MBNL1: variants seen among roughly 807,000 people sequenced by gnomAD.
The protein encoded by MBNL1 is muscleblind-like protein 1.
In MBNL1, 8 loss-of-function variants were observed where a neutral mutation model predicts 42.2. The observed-to-expected ratio is 0.19, with a 90% CI of 0.11 to 0.34. MBNL1 has a LOEUF of 0.34. Ranked by LOEUF, MBNL1 falls within the 10% of genes least tolerant of loss-of-function variation. MBNL1 has a pLI of 1.00. For synonymous variants in MBNL1, 169 were observed against 173.9 expected, an observed-to-expected ratio of 0.97 and a Z score of 0.22; for missense variants, 309 against 495.3, an observed-to-expected ratio of 0.62 and a Z score of 3.57.
chr3:152,310,784 G>C (rs2065904930), intron 2 of MBNL1, among the ~76,000 whole-genome samples: 1 of 151,978 alleles, frequency 6.6e-6, no homozygotes, highest in Admixed American at 6.6e-5. Flanking sequence ...CCGCAGACAG[G>C]ATGAACAGTA....
intron 2 of MBNL1, among the ~76,000 whole-genome samples, chr3:152,312,950 A>G (rs567764379): frequency 2.0e-5 from 3 of 152,322 alleles, no homozygotes; most frequent in Non-Finnish European, 4.4e-5. Context: ...TCCCAGTGTC[A>G]CGTTTAGAAT....
intron 1 of MBNL1, among the ~76,000 whole-genome samples, chr3:152,274,974 TCTTAA>T (rs2044101856): frequency 6.6e-6 from 1 of 152,220 alleles, no homozygotes; most frequent in African/African-American, 2.4e-5. Context: ...AAAGATATTT[TCTTAA>T]CTTGTCTCAG....
intron 2 of MBNL1, among the ~76,000 whole-genome samples, chr3:152,401,260 A>G (rs2098204809): frequency 6.6e-6 from 1 of 152,206 alleles, no homozygotes; most frequent in Non-Finnish European, 1.5e-5. Context: ...GAAATTATCT[A>G]TAATATAGCT....
chr3:152,366,040 C>T (rs888865284), intron 2 of MBNL1, among the ~76,000 whole-genome samples: 2 of 152,140 alleles, frequency 1.3e-5, no homozygotes, highest in Non-Finnish European at 2.9e-5. Context: ...TTCATTTCTT[C>T]ATCTCCAGAA....
At chr3:152,247,577 A>G in intron 2 of MBNL1, among the ~76,000 whole-genome samples, 1 of 151,930 alleles carries the variant, frequency 6.6e-6, no homozygotes, top group East Asian at 1.9e-4. Flanking sequence ...AAATAAAACC[A>G]CTGTTCATTA....
chr3:152,445,883 C>T (rs1057133110), intron 5 of MBNL1, among the ~76,000 whole-genome samples: 1 of 152,184 alleles, frequency 6.6e-6, no homozygotes, highest in African/African-American at 2.4e-5. Context: ...TCTAATCAGC[C>T]ATTGTTTTCC....
At chr3:152,410,054 G>T (rs926994170) in intron 2 of MBNL1, among the ~76,000 whole-genome samples, 1 of 151,478 alleles carries the variant, frequency 6.6e-6, no homozygotes, top group Non-Finnish European at 1.5e-5. Context: ...ATTTTGATTG[G>T]CTATTAATTA....
intron 2 of MBNL1, among the ~76,000 whole-genome samples, chr3:152,409,047 A>G (rs188625764): frequency 3.9e-5 from 6 of 152,348 alleles, no homozygotes; most frequent in African/African-American, 1.4e-4. Context: ...TTTAAGAGCA[A>G]CAATATACTT....
intron 2 of MBNL1, among the ~76,000 whole-genome samples, chr3:152,372,840 G>A (rs903585791): frequency 1.8e-4 from 27 of 152,150 alleles, no homozygotes; most frequent in African/African-American, 5.1e-4. Context: ...TGGGAGATTC[G>A]CTGCTCTCTT....
At chr3:152,324,990 A>G (rs2078649329) in intron 2 of MBNL1, among the ~76,000 whole-genome samples, 2 of 148,260 alleles carry the variant, frequency 1.3e-5, no homozygotes, top group South Asian at 4.2e-4. Context: ...ACAGTGGGTC[A>G]TCTACTGAGA....
At chr3:152,360,838 T>G (rs1483059010) in intron 2 of MBNL1, among the ~76,000 whole-genome samples, 2 of 152,208 alleles carry the variant, frequency 1.3e-5, no homozygotes, top group African/African-American at 2.4e-5. Context: ...GGAAATAAGT[T>G]GTGCATATCC....
At chr3:152,418,041 C>T (rs2098732709) in intron 3 of MBNL1, among the ~76,000 whole-genome samples, 2 of 152,172 alleles carry the variant, frequency 1.3e-5, no homozygotes, top group South Asian at 4.1e-4. Context: ...CATTTTTATA[C>T]ACTTTGTGAG....
intron 2 of MBNL1, among the ~76,000 whole-genome samples, chr3:152,407,102 G>A (rs976220990): frequency 6.9e-6 from 1 of 145,020 alleles, no homozygotes; most frequent in Admixed American, 7.0e-5. Context: ...GACCAGGAAA[G>A]GGGAAAAATC....
chr3:152,373,812 A>G (rs144512318), intron 2 of MBNL1, among the ~76,000 whole-genome samples: 21 of 152,314 alleles, frequency 1.4e-4, no homozygotes, highest in South Asian at 1.0e-3. Context: ...GTTTGGGAGA[A>G]ATGGTGATTT....
chr3:152,291,462 C>T (rs2055934227), intron 1 of MBNL1, among the ~76,000 whole-genome samples: 1 of 152,178 alleles, frequency 6.6e-6, no homozygotes, highest in Non-Finnish European at 1.5e-5. Context: ...ATGCTGGTTT[C>T]ATTCACTTAT....
chr3:152,429,897 C>T (rs1159213139), intron 3 of MBNL1, among the ~76,000 whole-genome samples: 1 of 152,096 alleles, frequency 6.6e-6, no homozygotes, highest in African/African-American at 2.4e-5. Flanking sequence ...GCAAATAGCT[C>T]TACTTATCGA....
intron 2 of MBNL1, among the ~76,000 whole-genome samples, chr3:152,306,193 C>A (rs1273591915): frequency 6.6e-6 from 1 of 152,184 alleles, no homozygotes; most frequent in African/African-American, 2.4e-5. Flanking sequence ...TCCATAGTCA[C>A]ACAGAAGTGA....
At chr3:152,446,712 G>T in intron 5 of MBNL1, 1 of 1,613,630 alleles carries the variant, frequency 6.2e-7, no homozygotes, top group Non-Finnish European at 8.5e-7. Context: ...AGACTCAGTC[G>T]GCTGTCAAAT....
chr3:152,460,095 A>G (rs1460956263), intron 9 of MBNL1, among the ~76,000 whole-genome samples: 1 of 151,972 alleles, frequency 6.6e-6, no homozygotes, highest in Non-Finnish European at 1.5e-5. Flanking sequence ...CCTACAAAAA[A>G]TACAAAAAAA....
Sources: gnomAD v4.1 joint callset for allele counts (sites outside exome capture counted in the v4.1 genomes callset) on GRCh38, gnomAD v4.1.1 for gene constraint, MANE v1.5 for transcripts, NCBI Gene and HGNC (gene_info 2026-07-23, HGNC 2026-07-21) for gene names.